The following TSHZ3 variants were observed in gnomAD, a reference collection of about 807,000 sequenced individuals.
TSHZ3 encodes teashirt homolog 3.
A neutral mutation model predicts 64.5 loss-of-function variants in TSHZ3; 10 were observed. The observed-to-expected ratio is 0.16, with a 90% confidence interval of 0.10 to 0.26. The LOEUF (loss-of-function observed/expected upper bound fraction) is 0.26, where lower values mean the gene tolerates loss of function less well. TSHZ3 is among the 10% of genes least tolerant of loss of function. The pLI is 1.00. For synonymous variants in TSHZ3, 608 were observed against 593.1 expected, an observed-to-expected ratio of 1.03 and a Z score of -0.36; for missense variants, 1,242 against 1,421.7, an observed-to-expected ratio of 0.87 and a Z score of 2.03.
At chr19:31,213,389 A>AAAAAAAAG (rs1432035434) in intron 4 of TSHZ3, among the ~76,000 whole-genome samples, 1 of 147,186 alleles carries the variant, frequency 6.8e-6, no homozygotes, top group Admixed American at 6.7e-5. Flanking sequence ...AAAAAAAAAA[A>AAAAAAAAG]AATCAGTGGT....
chr19:31,340,064 G>GA (rs1276046654), intron 1 of TSHZ3, among the ~76,000 whole-genome samples: 1 of 151,658 alleles, frequency 6.6e-6, no homozygotes, highest in South Asian at 2.1e-4. Flanking sequence ...AATTTTAAAG[G>GA]AAAAAAATGT....
chr19:31,206,229 ATGGATTAATGGACAAGTGGG>A (rs994383960), intron 4 of TSHZ3, among the ~76,000 whole-genome samples: 1 of 151,796 alleles, frequency 6.6e-6, no homozygotes, highest in Non-Finnish European at 1.5e-5. Context: ...GGATGATTGG[ATGGATTAATGGACAAGTGGG>A]TGGATTAATG....
At chr19:31,235,636 T>G (rs1005204884) in intron 3 of TSHZ3, among the ~76,000 whole-genome samples, 3 of 76,760 alleles carry the variant, frequency 3.9e-5, no homozygotes, top group Non-Finnish European at 7.0e-5. Context: ...TCTTTCCTCT[T>G]TCTTTCTTTC....
At chr19:31,178,657 C>T (rs541279372) in intron 5 of TSHZ3, among the ~76,000 whole-genome samples, 16 of 152,234 alleles carry the variant, frequency 1.1e-4, no homozygotes, top group East Asian at 5.8e-4. Context: ...CCAGCCTGGG[C>T]GACAAGAACA....
chr19:31,203,952 G>T (rs892026826), intron 5 of TSHZ3, among the ~76,000 whole-genome samples: 3 of 152,040 alleles, frequency 2.0e-5, no homozygotes, highest in African/African-American at 7.2e-5. Flanking sequence ...GTTCCGCATG[G>T]CTGGAGAGAC....
At chr19:31,248,670 G>T (rs1014364864) in intron 1 of TSHZ3, among the ~76,000 whole-genome samples, 2 of 151,286 alleles carry the variant, frequency 1.3e-5, no homozygotes, top group Non-Finnish European at 2.9e-5. Flanking sequence ...TTGTGCCTGT[G>T]GTCCCAGCTA....
intron 5 of TSHZ3, among the ~76,000 whole-genome samples, chr19:31,166,123 C>G (rs1454606568): frequency 2.0e-5 from 3 of 152,198 alleles, no homozygotes; most frequent in Admixed American, 2.0e-4. Flanking sequence ...AGCACTCTGA[C>G]TGCCTGTCAA....
chr19:31,195,996 G>A (rs1023496376), intron 5 of TSHZ3, among the ~76,000 whole-genome samples: 1 of 151,822 alleles, frequency 6.6e-6, no homozygotes, highest in Non-Finnish European at 1.5e-5. Context: ...ATAGCTTATT[G>A]CTTCTAACCT....
intron 5 of TSHZ3, among the ~76,000 whole-genome samples, chr19:31,204,307 C>A (rs1309035607): frequency 6.6e-6 from 1 of 151,016 alleles, no homozygotes; most frequent in African/African-American, 2.4e-5. Flanking sequence ...TTCCTCCCTT[C>A]CTCCCTCTCT....
chr19:31,305,277 G>A (rs759980794), intron 1 of TSHZ3, among the ~76,000 whole-genome samples: 11 of 148,832 alleles, frequency 7.4e-5, no homozygotes, highest in Non-Finnish European at 1.0e-4. Flanking sequence ...TGTTGATTTC[G>A]TTATTTGAAA....
intron 1 of TSHZ3, among the ~76,000 whole-genome samples, chr19:31,304,067 C>T (rs953163821): frequency 2.8e-4 from 43 of 152,078 alleles, no homozygotes; most frequent in Admixed American, 2.6e-3. Context: ...CTCCGCCTCC[C>T]GGGTTCAAGT....
At chr19:31,186,089 C>T (rs569420741) in intron 5 of TSHZ3, among the ~76,000 whole-genome samples, 33 of 152,162 alleles carry the variant, frequency 2.2e-4, no homozygotes, top group Non-Finnish European at 4.3e-4. Flanking sequence ...TGTTGGGGTT[C>T]CTTCCGGTTT....
intron 5 of TSHZ3, among the ~76,000 whole-genome samples, chr19:31,179,200 G>C (rs1332526232): frequency 6.6e-6 from 1 of 152,194 alleles, no homozygotes; most frequent in Non-Finnish European, 1.5e-5. Context: ...AGGGCTATCA[G>C]CAGCAGCAAC....
chr19:31,323,064 T>C (rs1916819647), intron 1 of TSHZ3, among the ~76,000 whole-genome samples: 1 of 152,240 alleles, frequency 6.6e-6, no homozygotes, highest in East Asian at 1.9e-4. Context: ...GGTATTGTAT[T>C]TGGCAACCTG....
At chr19:31,300,067 T>A (rs954103239) in intron 1 of TSHZ3, among the ~76,000 whole-genome samples, 34 of 149,358 alleles carry the variant, frequency 2.3e-4, no homozygotes, top group African/African-American at 1.7e-4. Flanking sequence ...CGCGAGAGAG[T>A]GTGTGTGTGT....
At chr19:31,199,385 A>T (rs1034567312) in intron 5 of TSHZ3, among the ~76,000 whole-genome samples, 1 of 136,418 alleles carries the variant, frequency 7.3e-6, no homozygotes, top group African/African-American at 2.8e-5. Context: ...GCCTGATGAC[A>T]GAGCGAGACT....
intron 4 of TSHZ3, among the ~76,000 whole-genome samples, chr19:31,208,397 G>A (rs888557866): frequency 3.2e-4 from 48 of 152,280 alleles, no homozygotes; most frequent in African/African-American, 1.2e-3. Context: ...AATTGGCCGA[G>A]CTTTTATCAC....
At chr19:31,164,880 G>A (rs911250044) in intron 5 of TSHZ3, among the ~76,000 whole-genome samples, 12 of 152,182 alleles carry the variant, frequency 7.9e-5, no homozygotes, top group African/African-American at 2.7e-4. Flanking sequence ...GTGGCCGATT[G>A]GACCAGGAAA....
intron 1 of TSHZ3, among the ~76,000 whole-genome samples, chr19:31,330,072 C>T (rs957729296): frequency 2.0e-5 from 3 of 151,532 alleles, no homozygotes; most frequent in Non-Finnish European, 2.9e-5. Context: ...TTTTGTTTTC[C>T]TTAACACTGG....
Sources: gnomAD v4.1 joint callset for allele counts (sites outside exome capture counted in the v4.1 genomes callset) on GRCh38, gnomAD v4.1.1 for gene constraint, MANE v1.5 for transcripts, NCBI Gene and HGNC (gene_info 2026-07-23, HGNC 2026-07-21) for gene names.